Variants in MSRB3 observed in about 807,000 individuals in gnomAD.
MSRB3 encodes the protein methionine sulfoxide reductase B3.
Under a neutral mutation model 21.0 loss-of-function variants are expected in MSRB3, and 13 were observed. The ratio of observed to expected loss-of-function variants is 0.62; its 90% CI spans 0.40 to 0.98. The LOEUF is 0.98. Among genes scored for constraint, MSRB3 ranks in the 50% least tolerant of loss-of-function variants. The pLI, the probability that MSRB3 is intolerant of heterozygous loss-of-function variation, is 0.00. For missense variants in MSRB3, 199 were observed against 230.3 expected (o/e 0.86, Z 0.88); for synonymous variants, 87 against 88.6 (o/e 0.98, Z 0.10).
chr12:65,317,990 A>G (rs548170047), intron 2 of MSRB3, among the ~76,000 whole-genome samples: 4 of 152,304 alleles, frequency 2.6e-5, no homozygotes, highest in Admixed American at 6.5e-5. Context: ...GATGACTAAA[A>G]TATGTGTGAG....
At chr12:65,406,935 T>C (rs1469625894) in intron 5 of MSRB3, among the ~76,000 whole-genome samples, 3 of 152,170 alleles carry the variant, frequency 2.0e-5, no homozygotes, top group Non-Finnish European at 4.4e-5. Flanking sequence ...CCAGCCGTCA[T>C]TAGAAATTGA....
chr12:65,419,542 G>A, intron 5 of MSRB3: 2 of 741,178 alleles, frequency 2.7e-6, no homozygotes, highest in Admixed American at 3.5e-5. Flanking sequence ...GGCATCAGCA[G>A]CAAGATGGGC....
intron 5 of MSRB3, among the ~76,000 whole-genome samples, chr12:65,396,753 A>AAAGG (rs1879838320): frequency 6.6e-6 from 1 of 151,448 alleles, no homozygotes; most frequent in African/African-American, 2.4e-5. Context: ...AGAAAGAAAG[A>AAAGG]AAACCCAGCA....
At chr12:65,314,325 G>C (rs1277984024) in intron 2 of MSRB3, among the ~76,000 whole-genome samples, 6 of 151,968 alleles carry the variant, frequency 3.9e-5, no homozygotes, top group Non-Finnish European at 8.8e-5. Flanking sequence ...ATAGAATCTT[G>C]AAAATGTTAT....
chr12:65,293,866 G>A (rs1439285486), intron 1 of MSRB3, among the ~76,000 whole-genome samples: 1 of 152,186 alleles, frequency 6.6e-6, no homozygotes, highest in Admixed American at 6.5e-5. Flanking sequence ...GGCTGGGTTG[G>A]TGTGTGTTTG....
At chr12:65,407,185 A>G (rs988110523) in intron 5 of MSRB3, among the ~76,000 whole-genome samples, 1 of 152,184 alleles carries the variant, frequency 6.6e-6, no homozygotes, top group African/African-American at 2.4e-5. Flanking sequence ...TTTGACATAG[A>G]TGCCAAAAAC....
chr12:65,424,507 T>C (rs1881477487), intron 5 of MSRB3, among the ~76,000 whole-genome samples: 1 of 152,218 alleles, frequency 6.6e-6, no homozygotes, highest in South Asian at 2.1e-4. Flanking sequence ...GGATGTTGTG[T>C]TTCTATTTTT....
At chr12:65,327,458 C>G (rs1053028914) in intron 3 of MSRB3, among the ~76,000 whole-genome samples, 1 of 152,320 alleles carries the variant, frequency 6.6e-6, no homozygotes, top group Non-Finnish European at 1.5e-5. Context: ...AATAACTGCC[C>G]TCACATGGCT....
Position 65,294,197 on chromosome 12 carries a change from C to T in MSRB3, c.-51-14332C>T, listed in dbSNP as rs549814537. ...AACCCTTGTTTCATATGGCTTCCAA[C>T]GTCAGAAGTGCTTATTAGTGTCTCC... is the stretch of plus-strand genomic sequence containing the variant. On this transcript the variant is annotated intron_variant, in intron 1 of 6. Coordinates refer to ENST00000308259, the MANE Select transcript of MSRB3 (RefSeq NM_001031679.3). Among the ~76,000 whole-genome samples the T allele has an allele frequency of 2.0e-3, 298 of 152,242 alleles. 1 individual carries two copies. The highest frequency in any genetic ancestry group is 4.7e-3 in the African/African-American group (195 of 41,556).
At chr12:65,437,842 C>T (rs536046301) in intron 5 of MSRB3, among the ~76,000 whole-genome samples, 68 of 151,988 alleles carry the variant, frequency 4.5e-4, no homozygotes, top group Non-Finnish European at 6.8e-4. Flanking sequence ...GAGATTTTTG[C>T]TAGAAGTTTT....
rs1873804252 is a variant in MSRB3, at chr12:65,308,729, C to T, written c.76+74C>T. ...TGTTTCTGCTGCAGGAAATGATACA[C>T]CATCATGCTTTGCTAAATTTCATTT... On this transcript the variant is annotated intron_variant, in intron 2 of 6. Coordinates refer to ENST00000308259, the MANE Select transcript of MSRB3 (RefSeq NM_001031679.3). The T allele has an allele frequency of 1.3e-5, 20 of 1,597,322 alleles. 1 individual carries two copies. In the South Asian group the frequency reaches 2.1e-4, roughly 17 times the overall value.
chr12:65,356,029 C>A (rs903509244), intron 4 of MSRB3, among the ~76,000 whole-genome samples: 3 of 151,922 alleles, frequency 2.0e-5, no homozygotes, highest in African/African-American at 7.2e-5. Flanking sequence ...AATGTTTAGA[C>A]CTTCCAGTGA....
chr12:65,291,102 T>C (rs930469391), intron 1 of MSRB3, among the ~76,000 whole-genome samples: 2 of 152,056 alleles, frequency 1.3e-5, no homozygotes, highest in African/African-American at 4.8e-5. Context: ...TTTTTCTTTT[T>C]GCGATGGAGT....
At chr12:65,393,010 A>G (rs889453278) in intron 5 of MSRB3, among the ~76,000 whole-genome samples, 3 of 152,098 alleles carry the variant, frequency 2.0e-5, no homozygotes, top group Non-Finnish European at 2.9e-5. Context: ...TTTTTGTTTT[A>G]TATGATTTAC....
At chr12:65,389,624 A>G (rs1009945571) in intron 5 of MSRB3, among the ~76,000 whole-genome samples, 1 of 152,068 alleles carries the variant, frequency 6.6e-6, no homozygotes, top group Non-Finnish European at 1.5e-5. Context: ...CCATGTCCCG[A>G]TCCCTTCCCT....
At chr12:65,426,264 T>A (rs1436331105) in intron 5 of MSRB3, among the ~76,000 whole-genome samples, 1 of 152,158 alleles carries the variant, frequency 6.6e-6, no homozygotes, top group Non-Finnish European at 1.5e-5. Context: ...CTCACTTAGC[T>A]TTTGCTTATC....
rs1464232430 is a variant in MSRB3, at chr12:65,453,925, A to G, written c.390+100A>G. The G allele has an allele frequency of 5.2e-6, 5 of 962,272 alleles. No homozygotes were observed. The South Asian group carries it at 6.6e-5, about 13-fold the overall frequency. The allele number at this position is 962,272 out of a possible 1,614,324, so 59.6% of individuals were successfully genotyped here. A position where few individuals can be genotyped will look rare whatever the true frequency, so the allele number is the denominator to read the frequency against. ...CCAAGCGACTGGTCACAAGAAGGAC[A>G]GACAAGCATGACGAAGTTTATATGA... On this transcript the variant is annotated intron_variant, in intron 6 of 6. Transcript: ENST00000308259.
intron 1 of MSRB3, among the ~76,000 whole-genome samples, chr12:65,291,485 TA>T (rs1248535463): frequency 0.012 from 1,633 of 139,888 alleles, 21 homozygotes; most frequent in African/African-American, 0.033. Flanking sequence ...TCTCTCATCT[TA>T]AAAAAAAAAA....
At chr12:65,409,473 TATATAG>T (rs1880604807) in intron 5 of MSRB3, among the ~76,000 whole-genome samples, 2 of 152,128 alleles carry the variant, frequency 1.3e-5, no homozygotes, top group Admixed American at 6.5e-5. Context: ...AAGATACACT[TATATAG>T]ATAAAGTATA....
Sources: gnomAD v4.1 joint callset for allele counts (sites outside exome capture counted in the v4.1 genomes callset) on GRCh38, gnomAD v4.1.1 for gene constraint, MANE v1.5 for transcripts, NCBI Gene and HGNC (gene_info 2026-07-23, HGNC 2026-07-21) for gene names.